SUPT3H: variants seen among roughly 807,000 people sequenced by gnomAD.
The protein encoded by SUPT3H is transcription initiation protein SPT3 homolog.
A neutral mutation model predicts 44.3 loss-of-function variants in SUPT3H; 44 were observed. The observed-to-expected ratio is 0.99, with a 90% confidence interval of 0.78 to 1.28. SUPT3H has a LOEUF of 1.28. Ranked by LOEUF, SUPT3H falls within the 50% of genes most tolerant of loss-of-function variation. The pLI, the probability that SUPT3H is intolerant of heterozygous loss-of-function variation, is 0.00. For synonymous variants in SUPT3H, 124 were observed against 125.6 expected (o/e 0.99, Z 0.09); for missense variants, 380 against 387.1 (o/e 0.98, Z 0.15).
intron 3 of SUPT3H, among the ~76,000 whole-genome samples, chr6:45,031,151 A>T (rs6908606): frequency 6.6e-6 from 1 of 152,212 alleles, no homozygotes; most frequent in Non-Finnish European, 1.5e-5. Flanking sequence ...TGTTATTGAC[A>T]TTTATTTAGA....
chr6:44,904,304 A>G (rs569079111), intron 10 of SUPT3H, among the ~76,000 whole-genome samples: 1 of 152,358 alleles, frequency 6.6e-6, no homozygotes, highest in East Asian at 1.9e-4. Context: ...TTAAGCTGAT[A>G]AGCAACTTCA....
intron 2 of SUPT3H, among the ~76,000 whole-genome samples, chr6:45,311,763 G>C (rs913923933): frequency 2.0e-5 from 3 of 152,066 alleles, no homozygotes; most frequent in Non-Finnish European, 2.9e-5. Context: ...CAAATGCTGA[G>C]AGAATTCACC....
chr6:45,347,256 G>GT (rs1313337981), intron 2 of SUPT3H, among the ~76,000 whole-genome samples: 3 of 152,028 alleles, frequency 2.0e-5, no homozygotes, highest in Admixed American at 6.6e-5. Flanking sequence ...AAACTACAGT[G>GT]AATAATTAAA....
intron 2 of SUPT3H, among the ~76,000 whole-genome samples, chr6:45,209,072 G>A (rs1446391700): frequency 6.6e-6 from 1 of 152,184 alleles, no homozygotes; most frequent in Non-Finnish European, 1.5e-5. Flanking sequence ...AATAATTTAA[G>A]TCTACTGTTG....
chr6:44,866,045 A>G (rs1394263435), intron 10 of SUPT3H, among the ~76,000 whole-genome samples: 1 of 151,956 alleles, frequency 6.6e-6, no homozygotes, highest in Non-Finnish European at 1.5e-5. Flanking sequence ...GAGAGATAAC[A>G]GGAATTAAAT....
chr6:45,291,696 A>G (rs1043163743), intron 2 of SUPT3H, among the ~76,000 whole-genome samples: 4 of 152,206 alleles, frequency 2.6e-5, no homozygotes, highest in Admixed American at 6.5e-5. Context: ...AGAAAAATTC[A>G]GAGCTTGAAG....
chr6:45,337,013 T>C (rs1311419154), intron 2 of SUPT3H, among the ~76,000 whole-genome samples: 1 of 151,632 alleles, frequency 6.6e-6, no homozygotes, highest in East Asian at 1.9e-4. Flanking sequence ...TTAAAACTTA[T>C]GACATGAACA....
At chr6:45,066,141 C>T (rs546990453) in intron 3 of SUPT3H, among the ~76,000 whole-genome samples, 7,408 of 138,220 alleles carry the variant, frequency 0.054, 712 homozygotes, top group African/African-American at 0.19. Context: ...CCCTGGGATG[C>T]AAGGCTGGTT....
intron 2 of SUPT3H, among the ~76,000 whole-genome samples, chr6:45,315,033 G>A (rs777885757): frequency 5.1e-4 from 77 of 152,192 alleles, no homozygotes; most frequent in Non-Finnish European, 1.1e-3. Flanking sequence ...AACATAAAGT[G>A]GGGAAAGGAC....
chr6:45,367,500 A>G (rs574044019), intron 1 of SUPT3H, among the ~76,000 whole-genome samples: 84 of 152,308 alleles, frequency 5.5e-4, no homozygotes, highest in African/African-American at 1.9e-3. Flanking sequence ...GAAAACAGGA[A>G]ACAAAGGACT....
At chr6:45,125,336 T>C (rs1231739039) in intron 2 of SUPT3H, among the ~76,000 whole-genome samples, 2 of 152,226 alleles carry the variant, frequency 1.3e-5, no homozygotes, top group East Asian at 1.9e-4. Context: ...TAAAATTAAA[T>C]TGACTTTCTA....
chr6:44,938,455 C>T (rs910146738), intron 9 of SUPT3H, among the ~76,000 whole-genome samples: 1 of 152,108 alleles, frequency 6.6e-6, no homozygotes, highest in Non-Finnish European at 1.5e-5. Flanking sequence ...ATATCAGTAC[C>T]ATGCTGTTTT....
At chr6:45,213,043 A>G (rs540818243) in intron 2 of SUPT3H, among the ~76,000 whole-genome samples, 9 of 152,196 alleles carry the variant, frequency 5.9e-5, no homozygotes, top group Non-Finnish European at 1.0e-4. Flanking sequence ...AACAAATGAC[A>G]CCAAGCTCCC....
chr6:44,988,019 C>A (rs1323274385), intron 6 of SUPT3H, among the ~76,000 whole-genome samples: 2 of 152,092 alleles, frequency 1.3e-5, no homozygotes, highest in Non-Finnish European at 2.9e-5. Flanking sequence ...TAAGATTAGT[C>A]TGCTTATTTT....
At chr6:44,905,569 G>A (rs1032484911) in intron 10 of SUPT3H, among the ~76,000 whole-genome samples, 55 of 151,978 alleles carry the variant, frequency 3.6e-4, no homozygotes, top group African/African-American at 1.3e-3. Flanking sequence ...TACACTGTTG[G>A]TGGGACTGTA....
chr6:44,834,455 A>G (rs1009671031), intron 10 of SUPT3H, among the ~76,000 whole-genome samples: 3 of 152,168 alleles, frequency 2.0e-5, no homozygotes, highest in Non-Finnish European at 4.4e-5. Flanking sequence ...TGTTAGGAGC[A>G]CAGTCTGTCT....
chr6:44,834,346 G>A (rs1156517302), intron 10 of SUPT3H, among the ~76,000 whole-genome samples: 1 of 152,126 alleles, frequency 6.6e-6, no homozygotes, highest in Non-Finnish European at 1.5e-5. Flanking sequence ...TTTTCAGATT[G>A]TGGCTTTTAT....
At position 45,249,809 on chromosome 6, in the gene SUPT3H, G is replaced by T. The variant is rs1320163477; in HGVS notation, c.101+115392C>A. 2.0e-5 allele frequency among the ~76,000 whole-genome samples: 3 copies of T among 152,048 alleles called. No individual in the cohort carries two copies. In the East Asian group the frequency reaches 5.8e-4, roughly 29 times the overall value. On this transcript the variant is annotated intron_variant, in intron 2 of 10. Coordinates refer to ENST00000371459, the MANE Select transcript of SUPT3H (RefSeq NM_003599.4). ...GTGTTTGTGAACAACACATCTGTGG[G>T]GGGGTGGGGGCCAAGGGGAAAGGGT...
chr6:44,988,677 C>T (rs1447415614), intron 6 of SUPT3H, among the ~76,000 whole-genome samples: 1 of 151,344 alleles, frequency 6.6e-6, no homozygotes, highest in Non-Finnish European at 1.5e-5. Context: ...AAATTATTTC[C>T]CTAGGAGAGT....
Sources: allele counts gnomAD v4.1 joint callset (sites outside exome capture counted in the v4.1 genomes callset), GRCh38; gene constraint gnomAD v4.1.1; transcripts MANE v1.5; gene names NCBI Gene and HGNC (gene_info 2026-07-23, HGNC 2026-07-21).